The following NRK variants were observed in gnomAD, a reference collection of about 807,000 sequenced individuals.
The protein encoded by NRK is nik-related protein kinase.
A neutral mutation model predicts 125.2 loss-of-function variants in NRK; 67 were observed. That is an observed-to-expected ratio of 0.54 (90% CI 0.44 to 0.66). The LOEUF (loss-of-function observed/expected upper bound fraction) is 0.66. Ranked by LOEUF, NRK falls within the 30% of genes least tolerant of loss-of-function variation. The pLI is 0.00. For missense variants in NRK, 1,224 were observed against 1,192.9 expected (o/e 1.03, Z -0.38); for synonymous variants, 458 against 429.0 (o/e 1.07, Z -0.84).
chrX:105,887,632 T>C (rs1191303092), intron 4 of NRK, among the ~76,000 whole-genome samples: 2 of 112,176 alleles, frequency 1.8e-5, no homozygotes, highest in African/African-American at 6.5e-5. Context: ...TGATGAATGG[T>C]AAACCAAAAG....
intron 2 of NRK, among the ~76,000 whole-genome samples, chrX:105,877,728 C>T (rs1273110702): frequency 9.0e-6 from 1 of 110,619 alleles, no homozygotes; most frequent in Non-Finnish European, 1.9e-5. Context: ...GAGTTTTATT[C>T]CTCTGTAGGT....
At chrX:105,892,005 A>G (rs2040021702) in intron 5 of NRK, among the ~76,000 whole-genome samples, 1 of 111,459 alleles carries the variant, frequency 9.0e-6, no homozygotes, top group Admixed American at 9.6e-5. Context: ...GAAATTTTGC[A>G]GTCTCCTTAC....
Position 105,953,124 on chromosome X carries a change from A to G in NRK, c.4604A>G (p.Lys1535Arg). The G allele has an allele frequency of 8.4e-7, 1 of 1,196,513 alleles. No homozygotes were observed. The highest frequency in any genetic ancestry group is 1.1e-6 in the Non-Finnish European group (1 of 885,792). The change falls in exon 28 of 29, where the codon AAG becomes AGG. Residue 1535 changes from lysine to arginine, a missense_variant. Coordinates refer to ENST00000243300, the MANE Select transcript of NRK (RefSeq NM_198465.4). Reference sequence around the variant, plus strand: ...TCCAGGGTTCTGGAAAGTGAGCTGAAGCGCAGGTCAATTAAGAAGCTGAGA... The same window carrying G: ...TCCAGGGTTCTGGAAAGTGAGCTGAGGCGCAGGTCAATTAAGAAGCTGAGA... ...LQSRVLESEL[K>R]RRSIKKLRFL...
Position 105,915,763 on chromosome X carries a change from C to G in NRK, c.2383C>G (p.Gln795Glu). 1.7e-6 allele frequency: 2 copies of G among 1,151,956 alleles called. No homozygotes were observed. Among genetic ancestry groups the G allele is most frequent in the South Asian group, 3.7e-5 (2 of 54,350 alleles). The allele number at this position is 1,151,956 out of a possible 1,213,427, so 94.9% of individuals were successfully genotyped here. ...GAGATCTCCTTCTGTGCCTAACAAC[C>G]AGGATCATGCACATCATGTCAAGTT... ...QERSPSVPNNQDHAHHVKFSS... is the reference protein window; with the variant it reads ...QERSPSVPNNEDHAHHVKFSS... Residue 795 changes from glutamine to glutamate, a missense_variant, in exon 15 of 29, where the codon CAG (glutamine) becomes GAG (glutamate). Gln to Glu is a conservative substitution (Grantham distance 29). Transcript: ENST00000243300.
intron 5 of NRK, among the ~76,000 whole-genome samples, chrX:105,890,823 A>AT (rs1167924158): frequency 8.9e-6 from 1 of 111,855 alleles, no homozygotes; most frequent in East Asian, 2.8e-4. Flanking sequence ...GATTTGGGTG[A>AT]GAAACAGCCA....
chrX:105,936,342 A>G (rs762480938), intron 21 of NRK, among the ~76,000 whole-genome samples: 3 of 112,331 alleles, frequency 2.7e-5, no homozygotes, highest in Non-Finnish European at 5.6e-5. Flanking sequence ...CAGTCTGGCA[A>G]CTACCTAGAA....
intron 2 of NRK, among the ~76,000 whole-genome samples, chrX:105,861,783 G>T (rs1269878560): frequency 8.9e-6 from 1 of 111,895 alleles, no homozygotes; most frequent in Admixed American, 9.5e-5. Context: ...TTTCAGCTGG[G>T]CACGGTGGCT....
intron 22 of NRK, 59 bp downstream of exon 22, chrX:105,937,641 G>A: frequency 1.1e-6 from 1 of 890,000 alleles, no homozygotes; most frequent in Non-Finnish European, 1.6e-6. Context: ...TCTGCAAACT[G>A]GGTTAAAGAC....
At chrX:105,900,428 G>A (rs1449011604) in intron 8 of NRK, among the ~76,000 whole-genome samples, 190 bp from the exon 9 acceptor site, 2 of 111,651 alleles carry the variant, frequency 1.8e-5, no homozygotes, top group Non-Finnish European at 3.8e-5. Flanking sequence ...GTGTAGTGAG[G>A]TACTGGCTGG....
intron 7 of NRK, among the ~76,000 whole-genome samples, chrX:105,896,473 G>T (rs778095434): frequency 2.7e-5 from 3 of 112,114 alleles, no homozygotes; most frequent in Non-Finnish European, 5.6e-5. Flanking sequence ...ATAAGTGAAA[G>T]TAGTTTCAAG....
intron 2 of NRK, among the ~76,000 whole-genome samples, chrX:105,843,139 A>G (rs2039351080): frequency 1.8e-5 from 2 of 111,849 alleles, no homozygotes; most frequent in Non-Finnish European, 1.9e-5. Context: ...GGCATAAGGG[A>G]TAAATGGCAA....
chrX:105,951,010 CTT>C (rs1182571625), intron 27 of NRK, among the ~76,000 whole-genome samples: 1 of 100,887 alleles, frequency 9.9e-6, no homozygotes, highest in African/African-American at 3.6e-5. Context: ...AATCCTTCTT[CTT>C]TTTTTTTTTT....
At chrX:105,921,859 A>G in intron 16 of NRK, 105 bp from the exon 17 acceptor site, 1 of 257,113 alleles carries the variant, frequency 3.9e-6, no homozygotes. Context: ...AATGACCAAG[A>G]AAAAAAAAAA....
intron 2 of NRK, among the ~76,000 whole-genome samples, chrX:105,844,434 G>A (rs1046102523): frequency 8.9e-6 from 1 of 111,975 alleles, no homozygotes; most frequent in African/African-American, 3.2e-5. Flanking sequence ...TTACCAAAAT[G>A]TTTGTTGGAA....
chrX:105,895,469 C>T lies in NRK; in HGVS notation c.526C>T (p.Arg176Trp), dbSNP rs2040071039. The part of the protein sequence containing the change: ...AHLHAHRVIH[R>W]DIKGQNVLLT... The stretch of plus-strand genomic sequence containing the variant: ...CCTTCACGCACACCGAGTAATTCAC[C>T]GGGACATCAAAGGTCAGAATGTGCT... Residue 176 changes from arginine (R) to tryptophan (W), a missense_variant, in exon 7 of 29, where the codon CGG becomes TGG. Coordinates refer to ENST00000243300, the MANE Select transcript of NRK (RefSeq NM_198465.4). The T allele has an allele frequency of 2.5e-6, 3 of 1,206,135 alleles. No individual in the cohort carries two copies. The highest frequency in any genetic ancestry group is 3.4e-6 in the Non-Finnish European group (3 of 890,814).
At chrX:105,891,327 A>G (rs930288077) in intron 5 of NRK, among the ~76,000 whole-genome samples, 1 of 112,009 alleles carries the variant, frequency 8.9e-6, no homozygotes, top group Non-Finnish European at 1.9e-5. Context: ...TTAAATCACA[A>G]GAAAATCAGT....
intron 8 of NRK, 32 bp downstream of exon 8, chrX:105,898,746 C>A: frequency 9.3e-7 from 1 of 1,078,224 alleles, no homozygotes; most frequent in Non-Finnish European, 1.2e-6. Flanking sequence ...GTGGAAATTA[C>A]AATTTGGAAA....
chrX:105,899,832 G>C (rs183956499), intron 8 of NRK, among the ~76,000 whole-genome samples: 1 of 110,642 alleles, frequency 9.0e-6, no homozygotes, highest in Non-Finnish European at 1.9e-5. Flanking sequence ...GCCAGGCGTG[G>C]TGGCAGGCAC....
At chrX:105,864,207 A>G (rs1040932937) in intron 2 of NRK, among the ~76,000 whole-genome samples, 2 of 111,567 alleles carry the variant, frequency 1.8e-5, no homozygotes, top group African/African-American at 6.5e-5. Flanking sequence ...CTTAGTATCA[A>G]AAATCTAAAT....
Sources: allele counts gnomAD v4.1 joint callset (sites outside exome capture counted in the v4.1 genomes callset), GRCh38; gene constraint gnomAD v4.1.1; transcripts MANE v1.5; gene names NCBI Gene and HGNC (gene_info 2026-07-23, HGNC 2026-07-21).